FAM168A: variants seen among roughly 807,000 people sequenced by gnomAD.
FAM168A encodes family with sequence similarity 168 member A.
In FAM168A, 3 loss-of-function variants were observed where a neutral mutation model predicts 28.5. The observed-to-expected ratio is 0.11, with a 90% CI of 0.05 to 0.27. The LOEUF is 0.27. Ranked by LOEUF, FAM168A falls within the 10% of genes least tolerant of loss-of-function variation. FAM168A has a pLI of 1.00. For synonymous variants in FAM168A, 122 were observed against 124.2 expected (o/e 0.98, Z 0.12); for missense variants, 222 against 311.5 (o/e 0.71, Z 2.16).
intron 1 of FAM168A, among the ~76,000 whole-genome samples, chr11:73,583,070 C>T (rs1359136332): frequency 6.6e-6 from 1 of 152,070 alleles, no homozygotes; most frequent in Non-Finnish European, 1.5e-5. Flanking sequence ...CTTGGGAGGC[C>T]AAGGCAGGCG....
At chr11:73,467,373 T>C (rs1867751225) in intron 2 of FAM168A, among the ~76,000 whole-genome samples, 1 of 151,682 alleles carries the variant, frequency 6.6e-6, no homozygotes, top group Non-Finnish European at 1.5e-5. Context: ...GGGCAAGTTG[T>C]CCAAAGTCAC....
intron 1 of FAM168A, among the ~76,000 whole-genome samples, chr11:73,516,256 T>C (rs1455924092): frequency 1.3e-5 from 2 of 152,210 alleles, no homozygotes; most frequent in Non-Finnish European, 2.9e-5. Context: ...GTGTCCTGGC[T>C]CTGTCCTTTA....
At chr11:73,568,475 T>C (rs757910774) in intron 1 of FAM168A, among the ~76,000 whole-genome samples, 1 of 152,176 alleles carries the variant, frequency 6.6e-6, no homozygotes, top group African/African-American at 2.4e-5. Flanking sequence ...ACAAAAATAA[T>C]GCAGGGCAGG....
In FAM168A at chr11:73,542,630, T is replaced by C. The variant is rs116853355; in HGVS notation, c.-19+55293A>G. 3.3e-3 allele frequency among the ~76,000 whole-genome samples: 503 copies of C among 152,328 alleles called. 6 individuals are homozygous for C. The highest frequency in any genetic ancestry group is 4.7e-3 in the Non-Finnish European group (318 of 68,016). On this transcript the variant is annotated intron_variant, in intron 1 of 7. Transcript: ENST00000356467. ...CCAAAATGATCCTTTTAAATAAAGT[T>C]TGGAGCATGTAACTCCACTCTGTTG...
At chr11:73,553,073 C>T (rs549387743) in intron 1 of FAM168A, among the ~76,000 whole-genome samples, 1 of 152,144 alleles carries the variant, frequency 6.6e-6, no homozygotes, top group South Asian at 2.1e-4. Context: ...TTAATTAATC[C>T]TATCAAGCCC....
chr11:73,465,104 A>C (rs934674937), intron 2 of FAM168A, among the ~76,000 whole-genome samples: 2 of 151,646 alleles, frequency 1.3e-5, no homozygotes, highest in African/African-American at 4.9e-5. Flanking sequence ...CACCGACTAC[A>C]AACCAACCAT....
chr11:73,592,659 GAGA>G (rs985946690), intron 1 of FAM168A, among the ~76,000 whole-genome samples: 4 of 151,978 alleles, frequency 2.6e-5, no homozygotes, highest in African/African-American at 9.7e-5. Flanking sequence ...CTTCAGGAAG[GAGA>G]AGAACGGGGA....
chr11:73,588,615 A>T (rs2134744853), intron 1 of FAM168A, among the ~76,000 whole-genome samples: 1 of 152,228 alleles, frequency 6.6e-6, no homozygotes, highest in African/African-American at 2.4e-5. Context: ...TTACATGACC[A>T]CGTGAGCCCA....
At chr11:73,432,256 G>C (rs1011054385) in intron 2 of FAM168A, among the ~76,000 whole-genome samples, 7 of 152,166 alleles carry the variant, frequency 4.6e-5, no homozygotes, top group African/African-American at 1.7e-4. Context: ...GTATCTGTTT[G>C]AGTACCTGTT....
intron 2 of FAM168A, among the ~76,000 whole-genome samples, chr11:73,436,249 C>T (rs894302259): frequency 5.9e-5 from 9 of 152,114 alleles, no homozygotes; most frequent in African/African-American, 2.2e-4. Context: ...AAATGTAAAG[C>T]TATTTTTTGA....
intron 1 of FAM168A, among the ~76,000 whole-genome samples, chr11:73,488,193 C>T (rs904647051): frequency 4.0e-5 from 6 of 151,760 alleles, no homozygotes; most frequent in Admixed American, 6.6e-5. Context: ...TGTCATGGCA[C>T]GATCTTGGCT....
intron 1 of FAM168A, among the ~76,000 whole-genome samples, chr11:73,535,839 G>A (rs1943572795): frequency 6.6e-6 from 1 of 150,780 alleles, no homozygotes; most frequent in African/African-American, 2.4e-5. Context: ...AGGGTTGCAG[G>A]TGTGAGCCAC....
intron 1 of FAM168A, among the ~76,000 whole-genome samples, chr11:73,486,603 T>C (rs1369086849): frequency 1.3e-5 from 2 of 152,246 alleles, no homozygotes; most frequent in African/African-American, 2.4e-5. Context: ...CTGACCATCA[T>C]TTATTAGCTT....
In FAM168A at chr11:73,419,903, C is replaced by T. The variant is rs768181792; in HGVS notation, c.248G>A (p.Arg83Gln). 3.1e-6 allele frequency: 5 copies of T among 1,614,006 alleles called. No individual in the cohort carries two copies. Among genetic ancestry groups the T allele is most frequent in the South Asian group, 1.1e-5 (1 of 91,054 alleles). Residue 83 changes from arginine to glutamine, a missense_variant, in exon 4 of 8, where the codon CGA becomes CAA. Arg to Gln is a conservative substitution (Grantham distance 43). This residue lies in a region of FAM168A where 153 missense variants were observed against 189.2 expected (regional missense o/e 0.81). Transcript: ENST00000356467. ...AGCCGCAGAGGATGCTTGGTAAGTT[C>T]GGTTCTCGGTCCCGGTGTCCACTGG... ...HLPVDTGTENRTYQASSAAFR... is the reference protein window; with the variant it reads ...HLPVDTGTENQTYQASSAAFR...
Position 73,401,080 on chromosome 11 carries a change from T to TTTATTATTATTA in FAM168A, c.*5671_*5682dup, listed in dbSNP as rs34089809. ...CTACTTGGAAGACACTGGTCAAAGG[T>TTTATTATTATTA]TTATTATTATTATTATTATTATTAT... On this transcript the variant is annotated 3_prime_UTR_variant, in exon 8 of 8. Transcript: ENST00000356467. The TTTATTATTATTA allele has an allele frequency of 0.011, 1,544 of 146,580 alleles. 29 individuals carry two copies. The highest frequency in any genetic ancestry group is 0.036 in the African/African-American group (1,455 of 40,276). The allele number at this position is 146,580 out of a possible 1,614,324, so 9.1% of individuals were successfully genotyped here.
intron 1 of FAM168A, among the ~76,000 whole-genome samples, chr11:73,515,044 A>T (rs1321909589): frequency 6.6e-6 from 1 of 152,136 alleles, no homozygotes; most frequent in Admixed American, 6.6e-5. Context: ...AAAGTACTTA[A>T]CCTATCAGTA....
chr11:73,450,079 A>T (rs1379872547), intron 2 of FAM168A, among the ~76,000 whole-genome samples: 1 of 152,210 alleles, frequency 6.6e-6, no homozygotes, highest in Non-Finnish European at 1.5e-5. Context: ...TGTGCAAGGG[A>T]AAAGAAAATT....
chr11:73,549,001 G>A (rs111523770), intron 1 of FAM168A, among the ~76,000 whole-genome samples: 16,335 of 151,958 alleles, frequency 0.11, 993 homozygotes, highest in African/African-American at 0.15. Flanking sequence ...GAGTGCAGTG[G>A]CACAATCCCG....
chr11:73,449,261 C>T (rs1867382188), intron 2 of FAM168A, among the ~76,000 whole-genome samples: 1 of 152,190 alleles, frequency 6.6e-6, no homozygotes, highest in Non-Finnish European at 1.5e-5. Flanking sequence ...TGAGGCACCG[C>T]ACCTGGCCTA....
Sources: gnomAD v4.1 joint callset for allele counts (sites outside exome capture counted in the v4.1 genomes callset) on GRCh38, gnomAD v4.1.1 for gene constraint, gnomAD v4.1.1 regional missense constraint, MANE v1.5 for transcripts, NCBI Gene and HGNC (gene_info 2026-07-23, HGNC 2026-07-21) for gene names.